LRRC28: variants seen among roughly 807,000 people sequenced by gnomAD.
LRRC28 encodes leucine-rich repeat-containing protein 28.
A neutral mutation model predicts 45.7 loss-of-function variants in LRRC28; 39 were observed. That is an observed-to-expected ratio of 0.85 (90% CI 0.66 to 1.12). The LOEUF (loss-of-function observed/expected upper bound fraction) is 1.12. Among genes scored for constraint, LRRC28 ranks in the 50% most tolerant of loss-of-function variants. The probability of loss-of-function intolerance (pLI) is 0.00; values close to 1 mark genes in which losing one functional copy is unlikely to be tolerated. For missense variants in LRRC28, 435 were observed against 438.5 expected (o/e 0.99, Z 0.07); for synonymous variants, 206 against 178.8 (o/e 1.15, Z -1.22).
intron 3 of LRRC28, among the ~76,000 whole-genome samples, chr15:99,279,005 C>A (rs1468638839): frequency 6.6e-6 from 1 of 152,216 alleles, no homozygotes; most frequent in African/African-American, 2.4e-5. Context: ...TAGTTCACAA[C>A]ATAGCAACTG....
At chr15:99,330,970 A>G (rs892386468) in intron 5 of LRRC28, among the ~76,000 whole-genome samples, 3 of 151,740 alleles carry the variant, frequency 2.0e-5, no homozygotes, top group African/African-American at 7.3e-5. Context: ...TTTGTCTTTT[A>G]TAGTTTGATT....
intron 9 of LRRC28, among the ~76,000 whole-genome samples, chr15:99,366,462 A>G (rs1434987446): frequency 1.3e-5 from 2 of 152,320 alleles, no homozygotes; most frequent in Non-Finnish European, 1.5e-5. Flanking sequence ...ACAGGCTGCC[A>G]TAACAAAATG....
Position 99,287,938 on chromosome 15 carries a change from A to C in LRRC28, c.372A>C (p.Gln124His). The C allele has an allele frequency of 1.2e-6, 2 of 1,613,414 alleles. No individual in the cohort carries two copies. Among genetic ancestry groups the C allele is most frequent in the South Asian group, 1.1e-5 (1 of 90,990 alleles). ...TTCGATTAGCTAATAACCAACTGCA[A>C]TTCCTACCTCCAGGTAATCATAGTC... ...RHLRLANNQL[Q>H]FLPPEVGDLK... The change falls in exon 5 of 10, where the codon CAA becomes CAC. Residue 124 changes from glutamine (Q) to histidine (H), a missense_variant. Transcript: ENST00000301981.
At chr15:99,287,768 A>C (rs1172672068) in intron 4 of LRRC28, 46 bp from the exon 5 acceptor site, 5 of 1,551,452 alleles carry the variant, frequency 3.2e-6, no homozygotes, top group Non-Finnish European at 4.4e-6. Flanking sequence ...GATTTGATGT[A>C]ATACTTGAGT....
chr15:99,287,891 C>A lies in LRRC28; in HGVS notation c.325C>A (p.Arg109Ser). The stretch of plus-strand genomic sequence containing the variant: ...AGAAATTGTTTGCCCAGAAATTGGT[C>A]GTCTGAGAGCTTTACGTCATCTTCG... ...ALEIVCPEIG[R>S]LRALRHLRLA... The change falls in exon 5 of 10, where the codon CGT becomes AGT. Residue 109 changes from arginine to serine, a missense_variant. Arg to Ser is a moderately radical substitution (Grantham distance 110). Coordinates refer to ENST00000301981, the MANE Select transcript of LRRC28 (RefSeq NM_144598.5). 1 of 1,613,762 alleles carries A rather than the reference C, an allele frequency of 6.2e-7. No homozygotes were observed. The highest frequency in any genetic ancestry group is 1.1e-5 in the South Asian group (1 of 91,032).
chr15:99,338,828 A>C (rs148688096), intron 6 of LRRC28, among the ~76,000 whole-genome samples: 1 of 152,350 alleles, frequency 6.6e-6, no homozygotes, highest in Non-Finnish European at 1.5e-5. Context: ...TCCCTAAGTC[A>C]CTTGTAATAC....
rs1383002040 is a variant in LRRC28 at position 99,387,136 on chromosome 15, C to CT, written c.*1035dup. The CT allele has an allele frequency of 6.6e-6, 1 of 150,696 alleles. No homozygotes were observed. The highest frequency in any genetic ancestry group is 1.5e-5 in the Non-Finnish European group (1 of 67,646). The allele number at this position is 150,696 out of a possible 1,614,324, so 9.3% of individuals were successfully genotyped here. On this transcript the variant is annotated 3_prime_UTR_variant, in exon 10 of 10. Transcript: ENST00000301981. ...AGTGCAGTGGCGGGATCTCGGCTCA[C>CT]TGCAAGCTCCGCCTCCCGGGTTCAC...
rs1342348864 is a variant in LRRC28, at chr15:99,251,734, G to T, written c.-61+193G>T. The T allele has an allele frequency of 3.3e-5, 5 of 152,212 alleles. No individual in the cohort carries two copies. The East Asian group carries it at 9.6e-4, about 29-fold the overall frequency. 9.4% of individuals were successfully genotyped at this position (152,212 alleles called of 1,614,324 possible). A position where few individuals can be genotyped will look rare whatever the true frequency, so the allele number is the denominator to read the frequency against. On this transcript the variant is annotated intron_variant, in intron 1 of 9. Transcript: ENST00000301981. ...CCCACTCTGCGGCCCGCGGCCCCTG[G>T]GACCCGAGAACCCTGATACCGGGTC...
chr15:99,287,360 C>G lies in LRRC28; in HGVS notation c.247+66C>G, dbSNP rs2081986911. The G allele has an allele frequency of 9.8e-6, 12 of 1,218,374 alleles. No homozygotes were observed. In the South Asian group the frequency reaches 1.4e-4, roughly 14 times the overall value. The allele number at this position is 1,218,374 out of a possible 1,614,324, so 75.5% of individuals were successfully genotyped here. On this transcript the variant is annotated intron_variant, in intron 4 of 9. Transcript: ENST00000301981. ...TTTAAGCTTTGCTTTATAAATAGAT[C>G]AAATTTTATTTTTAAGACACCTTTA...
rs1957997448 is a variant in LRRC28, at chr15:99,386,545, G to A, written c.*443G>A. 6.5e-6 allele frequency: 1 copy of A among 154,080 alleles called. No individual in the cohort carries two copies. The highest frequency in any genetic ancestry group is 1.4e-5 in the Non-Finnish European group (1 of 69,310). 9.5% of individuals were successfully genotyped at this position (154,080 alleles called of 1,614,324 possible). A position where few individuals can be genotyped will look rare whatever the true frequency, so the allele number is the denominator to read the frequency against. On this transcript the variant is annotated 3_prime_UTR_variant, in exon 10 of 10. Coordinates refer to ENST00000301981, the MANE Select transcript of LRRC28 (RefSeq NM_144598.5). ...CATGTTCTCCACAGTGTCTCCAGTG[G>A]AAACTTGTCAGTTTTTGAGGAGTTT... is the stretch of plus-strand genomic sequence containing the variant.
intron 5 of LRRC28, among the ~76,000 whole-genome samples, chr15:99,314,437 CTAAATAAA>C (rs71922869): frequency 0.36 from 45,670 of 127,578 alleles, 7,570 homozygotes; most frequent in African/African-American, 0.46. Context: ...GACCTTGTCT[CTAAATAAA>C]TAAATAAATA....
intron 9 of LRRC28, among the ~76,000 whole-genome samples, chr15:99,374,194 G>A (rs750302172): frequency 1.3e-5 from 2 of 152,110 alleles, no homozygotes; most frequent in African/African-American, 2.4e-5. Flanking sequence ...GGAAACGGTT[G>A]ACATATATGC....
At chr15:99,340,654 T>C (rs754901807) in intron 6 of LRRC28, among the ~76,000 whole-genome samples, 1 of 152,204 alleles carries the variant, frequency 6.6e-6, no homozygotes, top group Non-Finnish European at 1.5e-5. Context: ...TTTGTGGCCT[T>C]AAGTAAATTT....
intron 6 of LRRC28, among the ~76,000 whole-genome samples, chr15:99,340,745 G>A (rs1405522788): frequency 6.6e-6 from 1 of 152,180 alleles, no homozygotes; most frequent in Admixed American, 6.5e-5. Flanking sequence ...AGGTATGAAA[G>A]GTGTGATAGC....
chr15:99,267,431 T>C (rs545152894), intron 2 of LRRC28, among the ~76,000 whole-genome samples: 1 of 152,310 alleles, frequency 6.6e-6, no homozygotes, highest in Non-Finnish European at 1.5e-5. Context: ...ATTAGTTTGG[T>C]TCATTTTGAA....
intron 3 of LRRC28, among the ~76,000 whole-genome samples, chr15:99,279,254 A>G (rs1245707724): frequency 6.6e-6 from 1 of 152,214 alleles, no homozygotes; most frequent in Non-Finnish European, 1.5e-5. Flanking sequence ...ATGGCTGAAT[A>G]ATATTCCGTT....
intron 3 of LRRC28, among the ~76,000 whole-genome samples, chr15:99,278,088 T>C (rs1180211863): frequency 2.6e-5 from 4 of 152,236 alleles, no homozygotes; most frequent in Non-Finnish European, 5.9e-5. Context: ...TATAGAGTTT[T>C]CCAGGTATAC....
intron 1 of LRRC28, among the ~76,000 whole-genome samples, chr15:99,255,164 C>G (rs190938417): frequency 7.2e-5 from 11 of 151,750 alleles, no homozygotes; most frequent in African/African-American, 2.7e-4. Context: ...TGAGACTAGC[C>G]TGGGCAACAC....
chr15:99,382,605 G>A (rs1217355851), intron 9 of LRRC28, among the ~76,000 whole-genome samples: 1 of 152,014 alleles, frequency 6.6e-6, no homozygotes, highest in African/African-American at 2.4e-5. Flanking sequence ...AACATAATTT[G>A]TCTGATATCT....
Sources: gnomAD v4.1 joint callset for allele counts (sites outside exome capture counted in the v4.1 genomes callset) on GRCh38, gnomAD v4.1.1 for gene constraint, MANE v1.5 for transcripts, NCBI Gene and HGNC (gene_info 2026-07-23, HGNC 2026-07-21) for gene names.